Variants in HDAC2 observed in about 807,000 individuals in gnomAD.
The protein encoded by HDAC2 is YY1-associated factor 1.
In HDAC2, 5 loss-of-function variants were observed where a neutral mutation model predicts 68.5. That is an observed-to-expected ratio of 0.07 (90% CI 0.04 to 0.15). HDAC2 has a LOEUF of 0.15. Among genes scored for constraint, HDAC2 ranks in the 10% least tolerant of loss-of-function variants. The pLI is 1.00. For synonymous variants in HDAC2, 182 were observed against 191.3 expected (o/e 0.95, Z 0.40); for missense variants, 291 against 600.8 (o/e 0.48, Z 5.39).
At chr6:113,970,445 G>T (rs1277804364) in intron 1 of HDAC2, 4 of 1,044,634 alleles carry the variant, frequency 3.8e-6, no homozygotes, top group Non-Finnish European at 4.6e-6. Context: ...GGGACGGGTC[G>T]AGGGGGTAGG....
chr6:113,969,736 G>A (rs556424069), intron 1 of HDAC2: 29 of 152,316 alleles, frequency 1.9e-4, no homozygotes, highest in African/African-American at 6.5e-4. Flanking sequence ...ATTATAGAAT[G>A]CTTAAGATAA....
At chr6:113,961,506 AAT>A (rs1562148529) in intron 1 of HDAC2, among the ~76,000 whole-genome samples, 1 of 152,192 alleles carries the variant, frequency 6.6e-6, no homozygotes, top group Non-Finnish European at 1.5e-5. Flanking sequence ...GCTAAGAAAC[AAT>A]ATAGAGTTTA....
At chr6:113,958,528 A>T (rs2114611075) in intron 3 of HDAC2, 121 bp downstream of exon 3, 1 of 600,208 alleles carries the variant, frequency 1.7e-6, no homozygotes, top group East Asian at 2.8e-5. Context: ...TTTTCAAATC[A>T]GTAAATAACT....
At position 113,970,933 on chromosome 6, in the gene HDAC2, C is replaced by T. The variant is rs998691399; in HGVS notation, c.-25G>A. On this transcript the variant is annotated 5_prime_UTR_variant, in exon 1 of 14. Transcript: ENST00000519065. ...TGGGCTCCCCGGCCACCGCCGCCACCGGGCTCCTCCTCCTGCTGCTGCTGC... is the reference window on the plus strand; with the variant it reads ...TGGGCTCCCCGGCCACCGCCGCCACTGGGCTCCTCCTCCTGCTGCTGCTGC... 3 of 1,552,730 alleles carry T rather than the reference C, an allele frequency of 1.9e-6. No homozygotes were observed. Among genetic ancestry groups the T allele is most frequent in the Admixed American group, 2.0e-5 (1 of 51,060 alleles).
intron 6 of HDAC2, among the ~76,000 whole-genome samples, chr6:113,950,382 G>GTT (rs376800535): frequency 1.3e-5 from 2 of 149,436 alleles, no homozygotes; most frequent in African/African-American, 4.9e-5. Flanking sequence ...CCTCTTTGTT[G>GTT]TTTTTTTTTG....
At chr6:113,946,221 T>G (rs762444235) in intron 8 of HDAC2, 73 bp from the exon 9 acceptor site, 14 of 1,274,116 alleles carry the variant, frequency 1.1e-5, no homozygotes, top group Non-Finnish European at 1.5e-5. Flanking sequence ...TTTAAAAAGA[T>G]AATAAGTGCA....
intron 11 of HDAC2, 111 bp downstream of exon 11, chr6:113,944,169 T>C: frequency 1.0e-6 from 1 of 955,272 alleles, no homozygotes; most frequent in Non-Finnish European, 1.6e-6. Context: ...AAAATGACAA[T>C]ATTAACAGTG....
intron 1 of HDAC2, among the ~76,000 whole-genome samples, chr6:113,967,576 TA>T (rs1260776562): frequency 7.9e-5 from 12 of 152,228 alleles, no homozygotes; most frequent in Admixed American, 5.9e-4. Flanking sequence ...TATAGTTACA[TA>T]AATTAGGTAT....
At chr6:113,944,125 G>C (rs1194503850) in intron 11 of HDAC2, among the ~76,000 whole-genome samples, 155 bp downstream of exon 11, 1 of 152,156 alleles carries the variant, frequency 6.6e-6, no homozygotes, top group Non-Finnish European at 1.5e-5. Flanking sequence ...ATCAGGTTCT[G>C]AGACATCAGG....
chr6:113,945,381 C>T lies in HDAC2; in HGVS notation c.1072G>A (p.Glu358Lys). The T allele has an allele frequency of 6.9e-7, 1 of 1,450,278 alleles. No homozygotes were observed. The highest frequency in any genetic ancestry group is 9.7e-7 in the Non-Finnish European group (1 of 1,032,646). 89.8% of individuals were successfully genotyped at this position (1,450,278 alleles called of 1,614,324 possible). ...TCTTACTTTATCTTTTCCATATATT[C>T]TGGAGTGTTCTGGTTTGTCATGTTT... ...PSNMTNQNTP[E>K]YMEKIKQRLF... Residue 358 changes from glutamate (E) to lysine (K), a missense_variant, in exon 10 of 14, where the codon GAA becomes AAA. Glu to Lys is a moderately conservative substitution (Grantham distance 56, BLOSUM62 1). Coordinates refer to ENST00000519065, the MANE Select transcript of HDAC2 (RefSeq NM_001527.4).
chr6:113,966,100 G>A (rs1776810437), intron 1 of HDAC2, among the ~76,000 whole-genome samples: 1 of 152,174 alleles, frequency 6.6e-6, no homozygotes, highest in African/African-American at 2.4e-5. Flanking sequence ...AGTCAGTGTG[G>A]AAAAGGAAAA....
intron 11 of HDAC2, among the ~76,000 whole-genome samples, 192 bp from the exon 12 acceptor site, chr6:113,943,698 A>T (rs1182942501): frequency 6.6e-6 from 1 of 152,234 alleles, no homozygotes; most frequent in Non-Finnish European, 1.5e-5. Context: ...TCATGTATGA[A>T]GAAATGGCTC....
Position 113,945,514 on chromosome 6 carries a change from T to G in HDAC2, c.983-44A>C, listed in dbSNP as rs780457647. ...TAAAGTTACATATTACAAGCTCAGT[T>G]TTCACAAAAAACCATGCACAGAATC... On this transcript the variant is annotated intron_variant, in intron 9 of 13. Coordinates refer to ENST00000519065, the MANE Select transcript of HDAC2 (RefSeq NM_001527.4). The G allele has an allele frequency of 5.3e-6, 5 of 948,108 alleles. No homozygotes were observed. In the Admixed American group the frequency reaches 5.3e-5, roughly 10 times the overall value. The allele number at this position is 948,108 out of a possible 1,614,324, so 58.7% of individuals were successfully genotyped here.
At position 113,936,254 on chromosome 6, in the gene HDAC2, A is replaced by C. The variant is rs1775994564; in HGVS notation, c.*4804T>G. 6.6e-6 allele frequency: 1 copy of C among 152,210 alleles called. No individual in the cohort carries two copies. Among genetic ancestry groups the C allele is most frequent in the South Asian group, 2.1e-4 (1 of 4,830 alleles). The allele number at this position is 152,210 out of a possible 1,614,324, so 9.4% of individuals were successfully genotyped here. On this transcript the variant is annotated 3_prime_UTR_variant, in exon 14 of 14. Coordinates refer to ENST00000519065, the MANE Select transcript of HDAC2 (RefSeq NM_001527.4). ...GTTACATGGCCACCAAGTGACTATAAGAGAAAACACACAGAAAAAAAAATT... is the reference window on the plus strand; with the variant it reads ...GTTACATGGCCACCAAGTGACTATACGAGAAAACACACAGAAAAAAAAATT...
At chr6:113,955,652 C>CTACA (rs1361851107) in intron 5 of HDAC2, among the ~76,000 whole-genome samples, 3 of 152,012 alleles carry the variant, frequency 2.0e-5, no homozygotes, top group Non-Finnish European at 4.4e-5. Context: ...GTAGTTGGGA[C>CTACA]TACAGATGCA....
rs1011171112 is a variant in HDAC2, at chr6:113,935,499, G to A, written c.*5559C>T. 4.6e-5 allele frequency: 7 copies of A among 152,156 alleles called. No homozygotes were observed. Among genetic ancestry groups the A allele is most frequent in the African/African-American group, 1.7e-4 (7 of 41,438 alleles). The allele number at this position is 152,156 out of a possible 1,614,324, so 9.4% of individuals were successfully genotyped here. A position where few individuals can be genotyped will look rare whatever the true frequency, so the allele number is the denominator to read the frequency against. ...TCTGAAGAAACAAAAAAGATGACTA[G>A]TAGAGGATACAAGAGAAGCTGGAAG... On this transcript the variant is annotated 3_prime_UTR_variant, in exon 14 of 14. Coordinates refer to ENST00000519065, the MANE Select transcript of HDAC2 (RefSeq NM_001527.4).
At chr6:113,957,753 G>T (rs1776591534) in intron 3 of HDAC2, among the ~76,000 whole-genome samples, 1 of 152,014 alleles carries the variant, frequency 6.6e-6, no homozygotes, top group East Asian at 1.9e-4. Context: ...CTCCCAAAGT[G>T]CTGGGATTAC....
rs771715712 is a variant in HDAC2 at position 113,958,699 on chromosome 6, C to T, written c.233G>A (p.Arg78Gln). The change falls in exon 3 of 14, where the codon CGG (arginine) becomes CAG (glutamine). Residue 78 changes from arginine to glutamine, a missense_variant. By Grantham distance (43) the Arg-to-Gln change is conservative. Coordinates refer to ENST00000519065, the MANE Select transcript of HDAC2 (RefSeq NM_001527.4). ...YHSDEYIKFL[R>Q]SIRPDNMSEY... ...AGACATGTTATCTGGTCTTATTGAC[C>T]GTAGAAATTTGATATACTCATCACT... The T allele has an allele frequency of 6.2e-7, 1 of 1,608,172 alleles. No homozygotes were observed. The highest frequency in any genetic ancestry group is 8.5e-7 in the Non-Finnish European group (1 of 1,175,956).
At chr6:113,950,642 C>T (rs983069918) in intron 6 of HDAC2, among the ~76,000 whole-genome samples, 3 of 145,270 alleles carry the variant, frequency 2.1e-5, no homozygotes, top group East Asian at 2.0e-4. Context: ...GTAATCCACT[C>T]GCCTCAGCCT....
Sources: gnomAD v4.1 joint callset for allele counts (sites outside exome capture counted in the v4.1 genomes callset) on GRCh38, gnomAD v4.1.1 for gene constraint, MANE v1.5 for transcripts, NCBI Gene and HGNC (gene_info 2026-07-23, HGNC 2026-07-21) for gene names.